LRRD1: variants seen among roughly 807,000 people sequenced by gnomAD.
The protein encoded by LRRD1 is leucine-rich repeat and death domain-containing protein 1.
LRRD1 carries 49 observed loss-of-function variants against 69.5 expected under a neutral mutation model. The ratio of observed to expected loss-of-function variants is 0.70; its 90% confidence interval spans 0.56 to 0.89. LRRD1 has a LOEUF of 0.89. Ranked by LOEUF, LRRD1 falls within the 40% of genes least tolerant of loss-of-function variation. The pLI is 0.00. For missense variants in LRRD1, 853 were observed against 956.0 expected (o/e 0.89, Z 1.42); for synonymous variants, 303 against 338.9 (o/e 0.89, Z 1.16).
downstream of LRRD1, chr7:92,143,055 C>T (rs1404837494): frequency 2.0e-5 from 4 of 203,784 alleles, no homozygotes; most frequent in Non-Finnish European, 4.1e-5. Flanking sequence ...TCTATTTTGA[C>T]AGGGCGCTGA....
chr7:92,153,344 C>T (rs1788567301), intron 3 of LRRD1, among the ~76,000 whole-genome samples: 1 of 152,120 alleles, frequency 6.6e-6, no homozygotes, highest in Non-Finnish European at 1.5e-5. Context: ...GGATTATAGG[C>T]GTGAGCCACC....
rs950515177 is a variant in LRRD1 at position 92,164,164 on chromosome 7, G to A, written c.1039C>T (p.Gln347Ter). The part of the protein sequence containing the change: ...KLTFLAVEIF[Q>*]LLKIKELQLA... ...TGGAGTTCTTTTATTTTGAGTAACT[G>A]AAAAATTTCTACAGCCAGAAAGGTA... Residue 347 changes from glutamine (Q) to a stop codon, truncating the protein, a stop_gained, in exon 2 of 6, where the codon CAG (glutamine) becomes TAG (stop). Coordinates refer to ENST00000458448, the MANE Select transcript of LRRD1 (RefSeq NM_001161528.2). LOFTEE classifies it high-confidence loss of function. 1.2e-5 allele frequency: 18 copies of A among 1,547,388 alleles called. No homozygotes were observed. The highest frequency in any genetic ancestry group is 1.6e-5 in the Non-Finnish European group (18 of 1,145,910).
At chr7:92,152,276 A>C (rs1820490480) in intron 3 of LRRD1, among the ~76,000 whole-genome samples, 1 of 151,716 alleles carries the variant, frequency 6.6e-6, no homozygotes, top group African/African-American at 2.4e-5. Context: ...TTAGGGTCTG[A>C]CTTCTTTCAC....
intron 3 of LRRD1, among the ~76,000 whole-genome samples, chr7:92,151,223 T>A (rs1240862590): frequency 6.6e-6 from 1 of 152,236 alleles, no homozygotes; most frequent in Non-Finnish European, 1.5e-5. Flanking sequence ...CATACTTTTA[T>A]GTCTCATTAG....
intron 1 of LRRD1, among the ~76,000 whole-genome samples, chr7:92,174,482 T>TATATATATATATATATATAC (rs1789123749): frequency 7.0e-5 from 1 of 14,362 alleles, no homozygotes; most frequent in African/African-American, 2.9e-4. Context: ...TATATATATA[T>TATATATATATATATATATAC]ATATATATAT....
At chr7:92,172,380 T>C (rs1209712894) in intron 1 of LRRD1, among the ~76,000 whole-genome samples, 1 of 152,118 alleles carries the variant, frequency 6.6e-6, no homozygotes, top group Non-Finnish European at 1.5e-5. Flanking sequence ...GGTGTCCAAA[T>C]TGGCAAGGAA....
At chr7:92,166,234 T>C (rs1334815077) in intron 1 of LRRD1, among the ~76,000 whole-genome samples, 1 of 152,202 alleles carries the variant, frequency 6.6e-6, no homozygotes, top group African/African-American at 2.4e-5. Context: ...TATTTTCCCT[T>C]TGTCCCTTTA....
At chr7:92,172,829 G>GA (rs572460773) in intron 1 of LRRD1, among the ~76,000 whole-genome samples, 14 of 150,606 alleles carry the variant, frequency 9.3e-5, no homozygotes, top group East Asian at 3.9e-4. Flanking sequence ...TCACAGAAAG[G>GA]AAAAAAAAAT....
At chr7:92,149,167 G>C (rs564539984) in intron 4 of LRRD1, among the ~76,000 whole-genome samples, 1 of 152,150 alleles carries the variant, frequency 6.6e-6, no homozygotes, top group Admixed American at 6.5e-5. Flanking sequence ...CCCAAGTCTT[G>C]CAAAAGCCTC....
At position 92,163,815 on chromosome 7, in the gene LRRD1, C is replaced by A; in HGVS notation, c.1388G>T (p.Cys463Phe). 1 of 1,497,438 alleles carries A rather than the reference C, an allele frequency of 6.7e-7. No homozygotes were observed. The highest frequency in any genetic ancestry group is 8.9e-7 in the Non-Finnish European group (1 of 1,128,154). The allele number at this position is 1,497,438 out of a possible 1,614,324, so 92.8% of individuals were successfully genotyped here. Residue 463 changes from cysteine (C) to phenylalanine (F), a missense_variant, in exon 2 of 6, where the codon TGC (cysteine) becomes TTC (phenylalanine). By Grantham distance (205) the Cys-to-Phe change is radical. Transcript: ENST00000458448. ...CAATTCAATTTTAATTATTTTTTGG[C>A]AGTTTTTTATTTCAATGGGAACATC... ...ITDVPIEIKN[C>F]QKIIKIELSY...
At chr7:92,147,966 G>C (rs1031607631) in intron 4 of LRRD1, among the ~76,000 whole-genome samples, 3 of 152,136 alleles carry the variant, frequency 2.0e-5, no homozygotes, top group Non-Finnish European at 4.4e-5. Context: ...ACCCAGGCTA[G>C]AGTACAGTGG....
At chr7:92,143,815 T>G (rs1312128231), downstream of LRRD1, among the ~76,000 whole-genome samples, 8 of 152,196 alleles carry the variant, frequency 5.3e-5, no homozygotes, top group African/African-American at 1.9e-4. Flanking sequence ...TGCCGCCAAA[T>G]TGGGAGCCCA....
At chr7:92,159,344 T>A in intron 2 of LRRD1, 141 bp from the exon 3 acceptor site, 1 of 602,234 alleles carries the variant, frequency 1.7e-6, no homozygotes, top group South Asian at 2.4e-5. Flanking sequence ...TGTCACAAAT[T>A]CTTTGTGACT....
At chr7:92,170,069 G>GA (rs34392041) in intron 1 of LRRD1, among the ~76,000 whole-genome samples, 73,928 of 137,720 alleles carry the variant, frequency 0.54, 21,160 homozygotes, top group African/African-American at 0.75. Context: ...ATGAGACCTT[G>GA]AAAAAAAAAA....
At chr7:92,143,501 C>T (rs12667029), downstream of LRRD1, among the ~76,000 whole-genome samples, 336 of 152,274 alleles carry the variant, frequency 2.2e-3, 5 homozygotes, top group East Asian at 0.05. Context: ...CTGCAGGTCC[C>T]GAGCCCTGCC....
At chr7:92,177,156 C>G (rs1248408679) in intron 1 of LRRD1, among the ~76,000 whole-genome samples, 2 of 150,612 alleles carry the variant, frequency 1.3e-5, no homozygotes, top group African/African-American at 2.4e-5. Context: ...TAAATCTGGT[C>G]ACATTATATT....
intron 3 of LRRD1, among the ~76,000 whole-genome samples, chr7:92,151,550 C>A (rs1820467084): frequency 6.6e-6 from 1 of 152,164 alleles, no homozygotes. Flanking sequence ...ATACTCTATT[C>A]TTTGGAAGTA....
At chr7:92,147,791 GCATA>G (rs1259756340) in intron 4 of LRRD1, among the ~76,000 whole-genome samples, 3 of 151,926 alleles carry the variant, frequency 2.0e-5, no homozygotes, top group Non-Finnish European at 4.4e-5. Flanking sequence ...GAGTGCAGTA[GCATA>G]ATCACAGGTC....
In LRRD1 at chr7:92,164,767, C is replaced by A; in HGVS notation, c.436G>T (p.Val146Phe). 6.4e-7 allele frequency: 1 copy of A among 1,551,420 alleles called. No homozygotes were observed. Among genetic ancestry groups the A allele is most frequent in the Non-Finnish European group, 8.7e-7 (1 of 1,146,880 alleles). ...TGTAAACCCTTGGCCTCAAGGTTAA[C>A]TGTAAAGTTATCTGCCCCTAGGCCA... ...QLGLGADNFT[V>F]NLEAKGLQEF... The change falls in exon 2 of 6, where the codon GTT becomes TTT. Residue 146 changes from valine (V) to phenylalanine (F), a missense_variant. Coordinates refer to ENST00000458448, the MANE Select transcript of LRRD1 (RefSeq NM_001161528.2).
Sources: gnomAD v4.1 joint callset for allele counts (sites outside exome capture counted in the v4.1 genomes callset) on GRCh38, gnomAD v4.1.1 for gene constraint, MANE v1.5 for transcripts, NCBI Gene and HGNC (gene_info 2026-07-23, HGNC 2026-07-21) for gene names.